NCAM2: variants seen among roughly 807,000 people sequenced by gnomAD.
NCAM2 encodes the protein neural cell adhesion molecule 2.
NCAM2 carries 30 observed loss-of-function variants against 98.1 expected under a neutral mutation model. The ratio of observed to expected loss-of-function variants is 0.31; its 90% confidence interval spans 0.23 to 0.41. NCAM2 has a LOEUF of 0.41. Ranked by LOEUF, NCAM2 falls within the 10% of genes least tolerant of loss-of-function variation. NCAM2 has a pLI of 1.00. For synonymous variants in NCAM2, 368 were observed against 342.4 expected, an observed-to-expected ratio of 1.07 and a Z score of -0.83; for missense variants, 867 against 1,005.8, an observed-to-expected ratio of 0.86 and a Z score of 1.87.
intron 1 of NCAM2, among the ~76,000 whole-genome samples, chr21:21,264,670 C>CACACACATATAT (rs1242995656): frequency 1.3e-5 from 2 of 149,474 alleles, no homozygotes; most frequent in Non-Finnish European, 3.0e-5. Context: ...TATATATACA[C>CACACACATATAT]ACACACACAT....
chr21:21,065,111 C>T (rs987516147), intron 1 of NCAM2, among the ~76,000 whole-genome samples: 4 of 149,632 alleles, frequency 2.7e-5, no homozygotes, highest in Non-Finnish European at 5.9e-5. Context: ...ACCGGGGAGG[C>T]GGAGGTTGCA....
chr21:21,017,143 G>C (rs1325344221), intron 1 of NCAM2, among the ~76,000 whole-genome samples: 3 of 151,896 alleles, frequency 2.0e-5, no homozygotes, highest in Non-Finnish European at 2.9e-5. Context: ...AATAGAAATG[G>C]GGCTGGGTGC....
intron 1 of NCAM2, among the ~76,000 whole-genome samples, chr21:21,189,857 C>T (rs571765339): frequency 6.6e-6 from 1 of 152,256 alleles, no homozygotes; most frequent in South Asian, 2.1e-4. Flanking sequence ...TCTGGTCAGC[C>T]TTTAACTAGT....
At chr21:21,148,590 T>G (rs2067357822) in intron 1 of NCAM2, among the ~76,000 whole-genome samples, 1 of 152,216 alleles carries the variant, frequency 6.6e-6, no homozygotes, top group African/African-American at 2.4e-5. Flanking sequence ...TAAATTTTCC[T>G]TTAGAATCTT....
intron 5 of NCAM2, among the ~76,000 whole-genome samples, chr21:21,317,307 CTCATTATGTGTTAATGCCTCCTATCA>C (rs1175298422): frequency 6.6e-6 from 1 of 152,134 alleles, no homozygotes; most frequent in Non-Finnish European, 1.5e-5. Context: ...CTAAGTCAAA[CTCATTATGTGTTAATGCCTCCTATCA>C]TCATAAGTTT....
chr21:21,321,601 A>G (rs954114030), intron 5 of NCAM2, among the ~76,000 whole-genome samples: 7 of 152,118 alleles, frequency 4.6e-5, no homozygotes, highest in Admixed American at 4.6e-4. Context: ...GTGTATGATG[A>G]AAGATAGTGG....
chr21:21,302,468 G>C lies in NCAM2; in HGVS notation c.619+10227G>C, dbSNP rs968492845. Among the ~76,000 whole-genome samples, 16 of 151,950 alleles carry C rather than the reference G, an allele frequency of 1.1e-4. 1 individual carries two copies. Among genetic ancestry groups the C allele is most frequent in the African/African-American group, 3.6e-4 (15 of 41,356 alleles). On this transcript the variant is annotated intron_variant, in intron 5 of 17. Transcript: ENST00000400546. The stretch of plus-strand genomic sequence containing the variant: ...TTCTGTTCCATTGAACTATGTGTCT[G>C]TTTTTTCTGTACCAGTACCACATTG...
Position 21,433,538 on chromosome 21 carries a change from G to C in NCAM2, c.1654+1257G>C, listed in dbSNP as rs370594383. ...GTGGATCATGAGGTCAGGAGACCGA[G>C]ACCATCCTGGCTAACATGGCGAAAC... On this transcript the variant is annotated intron_variant, in intron 12 of 17. Transcript: ENST00000400546. Among the ~76,000 whole-genome samples, 12 of 151,540 alleles carry C rather than the reference G, an allele frequency of 7.9e-5. No homozygotes were observed. The South Asian group carries it at 1.2e-3, about 16-fold the overall frequency.
At chr21:21,043,615 A>G (rs2064948319) in intron 1 of NCAM2, among the ~76,000 whole-genome samples, 1 of 151,974 alleles carries the variant, frequency 6.6e-6, no homozygotes, top group Admixed American at 6.6e-5. Context: ...TAAAAAGGAA[A>G]GTATAGGTGG....
At chr21:21,112,967 G>C (rs1448861687) in intron 1 of NCAM2, among the ~76,000 whole-genome samples, 1 of 152,114 alleles carries the variant, frequency 6.6e-6, no homozygotes, top group Non-Finnish European at 1.5e-5. Context: ...TGCATGTGTT[G>C]CTTTTCTGAA....
At chr21:21,085,196 T>C (rs2065884212) in intron 1 of NCAM2, among the ~76,000 whole-genome samples, 1 of 126,666 alleles carries the variant, frequency 7.9e-6, no homozygotes, top group Non-Finnish European at 1.6e-5. Context: ...TTGTGTCTAG[T>C]TGGGGTTTTT....
At chr21:21,295,076 A>C (rs73320636) in intron 5 of NCAM2, among the ~76,000 whole-genome samples, 1,983 of 151,778 alleles carry the variant, frequency 0.013, 43 homozygotes, top group African/African-American at 0.046. Context: ...TCTTTCATTC[A>C]TCTTCTTCCA....
chr21:21,387,211 C>T (rs1449338280), intron 9 of NCAM2, among the ~76,000 whole-genome samples: 1 of 136,148 alleles, frequency 7.3e-6, no homozygotes, highest in Non-Finnish European at 1.7e-5. Flanking sequence ...CACACACACA[C>T]ACACACACAC....
At chr21:21,341,299 C>T (rs904083817) in intron 8 of NCAM2, among the ~76,000 whole-genome samples, 1 of 151,980 alleles carries the variant, frequency 6.6e-6, no homozygotes. Context: ...TCTAGATTCC[C>T]ACTTCTTGAA....
At chr21:21,216,501 G>A (rs2069905742) in intron 1 of NCAM2, among the ~76,000 whole-genome samples, 1 of 152,118 alleles carries the variant, frequency 6.6e-6, no homozygotes, top group African/African-American at 2.4e-5. Context: ...TAGATATGTG[G>A]CCACAATCTG....
chr21:21,532,362 C>T (rs1989752199), intron 16 of NCAM2, among the ~76,000 whole-genome samples: 1 of 151,894 alleles, frequency 6.6e-6, no homozygotes, highest in Non-Finnish European at 1.5e-5. Context: ...GTGCTGATAT[C>T]TGTGTAGAAT....
intron 16 of NCAM2, among the ~76,000 whole-genome samples, chr21:21,510,936 G>T (rs1434203233): frequency 6.6e-6 from 1 of 151,820 alleles, no homozygotes; most frequent in African/African-American, 2.4e-5. Context: ...TCAATCTCGT[G>T]CTAAGCAATA....
At chr21:21,200,408 T>G (rs9976391) in intron 1 of NCAM2, among the ~76,000 whole-genome samples, 67 of 143,254 alleles carry the variant, frequency 4.7e-4, no homozygotes, top group African/African-American at 1.6e-3. Context: ...ACCCCATGCC[T>G]GAAAAAAAAA....
intron 1 of NCAM2, among the ~76,000 whole-genome samples, chr21:21,103,400 A>G (rs945400361): frequency 6.6e-6 from 1 of 152,114 alleles, no homozygotes; most frequent in Non-Finnish European, 1.5e-5. Context: ...CTGAAAAAAT[A>G]CAAATCCAGA....
Sources: gnomAD v4.1 joint callset for allele counts (sites outside exome capture counted in the v4.1 genomes callset) on GRCh38, gnomAD v4.1.1 for gene constraint, MANE v1.5 for transcripts, NCBI Gene and HGNC (gene_info 2026-07-23, HGNC 2026-07-21) for gene names.